The following CFAP47 variants were observed in gnomAD, a reference collection of about 807,000 sequenced individuals.
CFAP47 encodes the protein cilia- and flagella-associated protein 47.
CFAP47 carries 29 observed loss-of-function variants against 148.1 expected under a neutral mutation model. The observed-to-expected ratio is 0.20, with a 90% CI of 0.15 to 0.27. The LOEUF is 0.27. CFAP47 is among the 10% of genes least tolerant of loss of function. The pLI, the probability that CFAP47 is intolerant of heterozygous loss-of-function variation, is 1.00. For synonymous variants in CFAP47, 664 were observed against 577.3 expected (o/e 1.15, Z -2.15); for missense variants, 1,872 against 1,697.5 (o/e 1.10, Z -1.81).
At chrX:36,328,235 T>C (rs1941533667) in intron 57 of CFAP47, among the ~76,000 whole-genome samples, 1 of 112,125 alleles carries the variant, frequency 8.9e-6, no homozygotes, top group African/African-American at 3.2e-5. Context: ...CCTGAAATTG[T>C]TAAATAAAAA....
chrX:36,187,680 T>TA (rs1161924056), intron 40 of CFAP47, among the ~76,000 whole-genome samples: 1 of 110,370 alleles, frequency 9.1e-6, no homozygotes, highest in Non-Finnish European at 1.9e-5. Flanking sequence ...TACCTTTTTT[T>TA]AAAAAAGATA....
intron 49 of CFAP47, among the ~76,000 whole-genome samples, chrX:36,261,370 G>A (rs192854795): frequency 1.1e-4 from 9 of 79,018 alleles, no homozygotes; most frequent in East Asian, 3.8e-4. Flanking sequence ...GGTGTTTCTC[G>A]GAGAGGGGGA....
intron 33 of CFAP47, among the ~76,000 whole-genome samples, chrX:36,137,601 C>T (rs1939065982): frequency 9.0e-6 from 1 of 111,024 alleles, no homozygotes; most frequent in Non-Finnish European, 1.9e-5. Context: ...CATGCCTTTT[C>T]AGTCTCCTTA....
chrX:35,994,915 T>A (rs1351345916), intron 18 of CFAP47, among the ~76,000 whole-genome samples: 2 of 111,705 alleles, frequency 1.8e-5, no homozygotes, highest in Admixed American at 9.6e-5. Context: ...TCAAAGAGCC[T>A]ACAATCTGGT....
intron 45 of CFAP47, among the ~76,000 whole-genome samples, chrX:36,208,939 C>T (rs1555989130): frequency 9.0e-6 from 1 of 111,300 alleles, no homozygotes; most frequent in Admixed American, 9.6e-5. Flanking sequence ...GCACTTCAGC[C>T]TGGGCGACAA....
intron 24 of CFAP47, among the ~76,000 whole-genome samples, chrX:36,036,533 G>T (rs1332657377): frequency 1.8e-5 from 2 of 111,691 alleles, no homozygotes; most frequent in Non-Finnish European, 3.8e-5. Flanking sequence ...CTGAGATACT[G>T]ATTTCATTTC....
At chrX:35,935,066 C>G (rs1935889910) in intron 2 of CFAP47, among the ~76,000 whole-genome samples, 1 of 111,491 alleles carries the variant, frequency 9.0e-6, no homozygotes, top group African/African-American at 3.3e-5. Flanking sequence ...CTAGCCACAC[C>G]AGCTGGTGTC....
At chrX:35,968,051 C>T (rs923325761) in intron 10 of CFAP47, among the ~76,000 whole-genome samples, 1 of 109,920 alleles carries the variant, frequency 9.1e-6, no homozygotes, top group African/African-American at 3.3e-5. Flanking sequence ...CTCTTTTCAC[C>T]TCAATATGTA....
Position 36,046,842 on chromosome X carries a change from T to A in CFAP47, c.4008-12T>A, listed in dbSNP as rs1192376181. 1.3e-5 allele frequency: 14 copies of A among 1,088,995 alleles called. No individual in the cohort carries two copies. The South Asian group carries it at 1.6e-4, about 13-fold the overall frequency. 89.7% of individuals were successfully genotyped at this position (1,088,995 alleles called of 1,213,427 possible). ...TTTTGAGCTAATGAAACATTTTTTTTATTTTAAACAGAAATTCAACTCTAT... is the reference window on the plus strand; with the variant it reads ...TTTTGAGCTAATGAAACATTTTTTTAATTTTAAACAGAAATTCAACTCTAT... On this transcript the variant is annotated splice_polypyrimidine_tract_variant and intron_variant, in intron 25 of 63. Transcript: ENST00000378653.
At chrX:36,311,586 T>C (rs2146963725) in intron 56 of CFAP47, among the ~76,000 whole-genome samples, 1 of 111,313 alleles carries the variant, frequency 9.0e-6, no homozygotes, top group Admixed American at 9.6e-5. Flanking sequence ...TCTTTTCAAC[T>C]ATTATTACTA....
intron 42 of CFAP47, among the ~76,000 whole-genome samples, chrX:36,197,077 C>T (rs1245741148): frequency 9.0e-6 from 1 of 111,022 alleles, no homozygotes; most frequent in Non-Finnish European, 1.9e-5. Context: ...GCATTATTTT[C>T]GATTATATTA....
chrX:36,187,077 A>T (rs782013204), intron 40 of CFAP47, among the ~76,000 whole-genome samples: 111 of 112,031 alleles, frequency 9.9e-4, no homozygotes, highest in African/African-American at 3.4e-3. Flanking sequence ...CTGGCTTTCT[A>T]GACTCAGAAA....
intron 7 of CFAP47, among the ~76,000 whole-genome samples, chrX:35,955,618 A>G (rs752446437): frequency 8.9e-6 from 1 of 111,740 alleles, no homozygotes; most frequent in Non-Finnish European, 1.9e-5. Flanking sequence ...CATAAAACAG[A>G]ATCCCCAAGA....
intron 49 of CFAP47, among the ~76,000 whole-genome samples, chrX:36,275,004 CT>C (rs1186603997): frequency 1.1e-4 from 12 of 111,670 alleles, no homozygotes; most frequent in Non-Finnish European, 1.7e-4. Context: ...TGGATGTTTC[CT>C]TCTATTCCTA....
At chrX:35,938,093 C>T (rs1464686955) in intron 2 of CFAP47, among the ~76,000 whole-genome samples, 2 of 111,011 alleles carry the variant, frequency 1.8e-5, no homozygotes, top group Non-Finnish European at 3.8e-5. Flanking sequence ...GTGAGTGTTA[C>T]GATTTAAAAA....
At chrX:36,177,195 G>T (rs1018697009) in intron 39 of CFAP47, among the ~76,000 whole-genome samples, 1 of 111,934 alleles carries the variant, frequency 8.9e-6, no homozygotes. Flanking sequence ...TTAGGAAAAC[G>T]TGCTCTTTGT....
intron 62 of CFAP47, among the ~76,000 whole-genome samples, chrX:36,377,706 C>T (rs1231499642): frequency 8.9e-6 from 1 of 111,754 alleles, no homozygotes; most frequent in Non-Finnish European, 1.9e-5. Flanking sequence ...GGTGCCCTGT[C>T]TTATTCATTC....
intron 45 of CFAP47, among the ~76,000 whole-genome samples, chrX:36,212,999 G>A (rs1030215962): frequency 1.8e-5 from 2 of 110,994 alleles, no homozygotes; most frequent in African/African-American, 6.6e-5. Flanking sequence ...TGTGATCCTG[G>A]CTACTCCGGA....
intron 48 of CFAP47, among the ~76,000 whole-genome samples, chrX:36,240,145 T>C (rs1940523997): frequency 8.9e-6 from 1 of 111,909 alleles, no homozygotes; most frequent in African/African-American, 3.2e-5. Context: ...GGGGATGATC[T>C]GATTTCCAAA....
Sources: allele counts gnomAD v4.1 joint callset (sites outside exome capture counted in the v4.1 genomes callset), GRCh38; gene constraint gnomAD v4.1.1; transcripts MANE v1.5; gene names NCBI Gene and HGNC (gene_info 2026-07-23, HGNC 2026-07-21).